NDE1: variants seen among roughly 807,000 people sequenced by gnomAD.
NDE1 encodes nuclear distribution protein nudE homolog 1.
In NDE1, 28 loss-of-function variants were observed where a neutral mutation model predicts 43.4. The observed-to-expected ratio is 0.65, with a 90% CI of 0.48 to 0.89. The LOEUF is 0.89. Ranked by LOEUF, NDE1 falls within the 40% of genes least tolerant of loss-of-function variation. NDE1 has a pLI of 0.00. For missense variants in NDE1, 441 were observed against 434.1 expected (o/e 1.02, Z -0.14); for synonymous variants, 184 against 172.0 (o/e 1.07, Z -0.55).
In NDE1 at chr16:15,677,930, G is replaced by C; in HGVS notation, c.367G>C (p.Asp123His). 6.2e-7 allele frequency: 1 copy of C among 1,614,020 alleles called. No homozygotes were observed. Among genetic ancestry groups the C allele is most frequent in the East Asian group, 2.2e-5 (1 of 44,864 alleles). ...CAGAGAGCTGGAGCAAGCAAATGACGACCTGGAAAGAGCCAAGCGGTATGG... is the reference window on the plus strand; with the variant it reads ...CAGAGAGCTGGAGCAAGCAAATGACCACCTGGAAAGAGCCAAGCGGTATGG... ...YIRELEQAND[D>H]LERAKRATIM... Residue 123 changes from aspartate to histidine, a missense_variant, in exon 4 of 9, where the codon GAC becomes CAC. Asp to His is a moderately conservative substitution (Grantham distance 81). Transcript: ENST00000396354.
intron 1 of NDE1, among the ~76,000 whole-genome samples, chr16:15,659,861 GC>G (rs2036961447): frequency 6.7e-6 from 1 of 149,958 alleles, no homozygotes. Flanking sequence ...CAATTCTCCT[GC>G]CTTAGCCGCC....
intron 4 of NDE1, among the ~76,000 whole-genome samples, chr16:15,678,515 C>T (rs1257252528): frequency 6.6e-6 from 1 of 152,068 alleles, no homozygotes; most frequent in Non-Finnish European, 1.5e-5. Context: ...CAGGCACGTG[C>T]CACCACACCA....
chr16:15,705,424 A>G (rs560047218), intron 8 of NDE1, among the ~76,000 whole-genome samples: 1 of 152,276 alleles, frequency 6.6e-6, no homozygotes, highest in South Asian at 2.1e-4. Flanking sequence ...GACTTTGGGT[A>G]GGAGGAAGAG....
intron 8 of NDE1, among the ~76,000 whole-genome samples, chr16:15,707,303 A>G (rs987254444): frequency 6.6e-6 from 1 of 152,162 alleles, no homozygotes; most frequent in African/African-American, 2.4e-5. Flanking sequence ...TGCTGGGATT[A>G]TAGGCATGAC....
intron 8 of NDE1, chr16:15,720,984 T>G: frequency 6.2e-7 from 1 of 1,614,092 alleles, no homozygotes. Flanking sequence ...CTCCAGCTCT[T>G]CCAGCTGCGT....
chr16:15,691,702 G>A (rs188299872), intron 6 of NDE1, among the ~76,000 whole-genome samples: 4 of 150,172 alleles, frequency 2.7e-5, no homozygotes, highest in East Asian at 3.9e-4. Flanking sequence ...GTGTAGTGAC[G>A]TGATCTTGGC....
intron 8 of NDE1, chr16:15,719,377 C>T (rs1453067071): frequency 1.3e-6 from 2 of 1,543,974 alleles, no homozygotes; most frequent in African/African-American, 2.7e-5. Flanking sequence ...TCCACCCTGA[C>T]AACTCAGCCA....
In NDE1 at chr16:15,703,930, T is replaced by G. The variant is rs1555546983; in HGVS notation, c.947+7070T>G. The G allele has an allele frequency of 1.7e-5, 26 of 1,574,050 alleles. No individual in the cohort carries two copies. The highest frequency in any genetic ancestry group is 3.3e-4 in the Middle Eastern group (2 of 5,974). On this transcript the variant is annotated intron_variant, in intron 8 of 8. Coordinates refer to ENST00000396354, the MANE Select transcript of NDE1 (RefSeq NM_017668.3). ...TTGTTCTGGGTTGTTGTTGGGTTTTTTTTGTTTGTTTGTTTTGGTTTTTGG... is the reference window on the plus strand; with the variant it reads ...TTGTTCTGGGTTGTTGTTGGGTTTTGTTTGTTTGTTTGTTTTGGTTTTTGG...
upstream of NDE1, among the ~76,000 whole-genome samples, chr16:15,649,772 A>T (rs1275197204): frequency 1.3e-5 from 2 of 152,252 alleles, no homozygotes; most frequent in African/African-American, 4.8e-5. Flanking sequence ...TCTGGAGAAG[A>T]TAATGATGCT....
chr16:15,677,288 AAG>A (rs1459695753), intron 3 of NDE1, among the ~76,000 whole-genome samples: 3 of 152,118 alleles, frequency 2.0e-5, no homozygotes, highest in East Asian at 1.9e-4. Flanking sequence ...TAGTTTCATA[AAG>A]AGAGAGGGTC....
At chr16:15,698,375 GT>G (rs1341104996) in intron 8 of NDE1, among the ~76,000 whole-genome samples, 2 of 151,906 alleles carry the variant, frequency 1.3e-5, no homozygotes, top group East Asian at 3.9e-4. Context: ...TCCAGCCTGG[GT>G]GATGAAGCGA....
At position 15,696,841 on chromosome 16, in the gene NDE1, G is replaced by T. The variant is rs749066213; in HGVS notation, c.928G>T (p.Val310Leu). The T allele has an allele frequency of 1.2e-6, 2 of 1,614,134 alleles. No individual in the cohort carries two copies. The highest frequency in any genetic ancestry group is 3.3e-5 in the Admixed American group (2 of 60,018). Residue 310 changes from valine (V) to leucine (L), a missense_variant, in exon 8 of 9, where the codon GTG becomes TTG. Val to Leu is a conservative substitution (Grantham distance 32). Coordinates refer to ENST00000396354, the MANE Select transcript of NDE1 (RefSeq NM_017668.3). ...GGERRPSSTSVPLGDKGLDTS... is the reference protein window; with the variant it reads ...GGERRPSSTSLPLGDKGLDTS... ...GGAGAGACGGCCAAGCAGCACCAGC[G>T]TGCCTTTGGGTGATAAGGGGTCAGT...
intron 3 of NDE1, among the ~76,000 whole-genome samples, chr16:15,672,325 C>T (rs1029944434): frequency 3.9e-5 from 6 of 152,086 alleles, no homozygotes; most frequent in Admixed American, 2.0e-4. Flanking sequence ...CCCAGCTACT[C>T]GGGGGCTGAG....
chr16:15,719,439 C>CATAGAGGAGGGAAGCGTGTGTCTT (rs1180197832), intron 8 of NDE1: 20 of 1,479,566 alleles, frequency 1.4e-5, no homozygotes, highest in Non-Finnish European at 1.8e-5. Flanking sequence ...CCCGTGAATA[C>CATAGAGGAGGGAAGCGTGTGTCTT]ATAGAGGAGG....
chr16:15,714,166 C>G (rs77667676), intron 8 of NDE1: 1 of 152,698 alleles, frequency 6.5e-6, no homozygotes, highest in South Asian at 2.1e-4. Flanking sequence ...GGGAGCCAAT[C>G]GGGATGGATG....
chr16:15,693,885 A>C (rs2038878373), intron 6 of NDE1, among the ~76,000 whole-genome samples: 1 of 152,216 alleles, frequency 6.6e-6, no homozygotes, highest in Non-Finnish European at 1.5e-5. Flanking sequence ...GGTTGCAGTG[A>C]GCTGAGATCA....
chr16:15,663,575 G>A lies in NDE1; in HGVS notation c.-43-1161G>A, dbSNP rs930961618. On this transcript the variant is annotated intron_variant, in intron 1 of 8. Transcript: ENST00000396354. ...TTCTTTCACATGCTCCTCATGTGTC[G>A]CCTCTTCTAGGAAGCCTTCCTTGAC... 6.6e-5 allele frequency among the ~76,000 whole-genome samples: 10 copies of A among 152,114 alleles called. No individual in the cohort carries two copies. The South Asian group carries it at 2.1e-3, about 32-fold the overall frequency.
intron 3 of NDE1, among the ~76,000 whole-genome samples, chr16:15,677,393 C>T (rs1024683137): frequency 3.3e-5 from 5 of 152,024 alleles, no homozygotes; most frequent in Admixed American, 6.6e-5. Flanking sequence ...CAAGACCAGC[C>T]TGGCCAACGT....
chr16:15,679,986 C>T (rs968598940), intron 4 of NDE1, among the ~76,000 whole-genome samples: 1 of 152,134 alleles, frequency 6.6e-6, no homozygotes, highest in African/African-American at 2.4e-5. Flanking sequence ...ACCATGTTGG[C>T]CAATCTGGTC....
Sources: allele counts gnomAD v4.1 joint callset (sites outside exome capture counted in the v4.1 genomes callset), GRCh38; gene constraint gnomAD v4.1.1; transcripts MANE v1.5; gene names NCBI Gene and HGNC (gene_info 2026-07-23, HGNC 2026-07-21).